SYTL3: variants seen among roughly 807,000 people sequenced by gnomAD.
SYTL3 encodes the protein synaptotagmin-like protein 3.
SYTL3 carries 88 observed loss-of-function variants against 82.1 expected under a neutral mutation model. That is an observed-to-expected ratio of 1.07 (90% CI 0.90 to 1.28). The LOEUF is 1.28. Ranked by LOEUF, SYTL3 falls within the 50% of genes most tolerant of loss-of-function variation. The probability of loss-of-function intolerance (pLI) is 0.00; values close to 1 mark genes in which losing one functional copy is unlikely to be tolerated. For synonymous variants in SYTL3, 311 were observed against 289.4 expected (o/e 1.07, Z -0.76); for missense variants, 831 against 757.6 (o/e 1.10, Z -1.14).
chr6:158,671,303 C>T lies in SYTL3; in HGVS notation c.329+5690C>T, dbSNP rs6901412. Among the ~76,000 whole-genome samples, 77 of 152,142 alleles carry T rather than the reference C, an allele frequency of 5.1e-4. 1 individual carries two copies. Among genetic ancestry groups the T allele is most frequent in the African/African-American group, 1.7e-3 (70 of 41,510 alleles). ...CTGCCTTTAAAACCTTTTTGAGAACCGGTGAGCTTTCTGCGCATTGTCTTT... is the reference window on the plus strand; with the variant it reads ...CTGCCTTTAAAACCTTTTTGAGAACTGGTGAGCTTTCTGCGCATTGTCTTT... On this transcript the variant is annotated intron_variant, in intron 5 of 17. Transcript: ENST00000611299.
chr6:158,659,749 T>C (rs536932630), intron 2 of SYTL3, among the ~76,000 whole-genome samples: 1 of 152,366 alleles, frequency 6.6e-6, no homozygotes, highest in South Asian at 2.1e-4. Context: ...CATTTCGTTT[T>C]GTTTTGCTTT....
chr6:158,708,882 C>T (rs1782431319), intron 8 of SYTL3, among the ~76,000 whole-genome samples: 1 of 152,184 alleles, frequency 6.6e-6, no homozygotes, highest in African/African-American at 2.4e-5. Context: ...AATAATTATA[C>T]AGGTGCTGCT....
intron 6 of SYTL3, among the ~76,000 whole-genome samples, chr6:158,685,886 A>G (rs958522159): frequency 6.6e-6 from 1 of 152,158 alleles, no homozygotes; most frequent in African/African-American, 2.4e-5. Context: ...CAGAAGGTAG[A>G]CTCTACCCTT....
chr6:158,745,884 C>T (rs1489688240), intron 12 of SYTL3, among the ~76,000 whole-genome samples: 4 of 152,092 alleles, frequency 2.6e-5, no homozygotes, highest in East Asian at 3.9e-4. Flanking sequence ...CAGACCTTAG[C>T]GTATATGAAA....
chr6:158,667,897 G>C (rs557042026), intron 5 of SYTL3, among the ~76,000 whole-genome samples: 3 of 152,338 alleles, frequency 2.0e-5, no homozygotes, highest in African/African-American at 7.2e-5. Context: ...AGAGAACTGA[G>C]TGCCAAGTTG....
intron 5 of SYTL3, among the ~76,000 whole-genome samples, chr6:158,682,039 C>A (rs1012534527): frequency 1.3e-5 from 2 of 152,020 alleles, no homozygotes; most frequent in Admixed American, 6.6e-5. Context: ...CAGGTTCAAG[C>A]GAAAATTCTC....
chr6:158,757,520 C>A, intron 14 of SYTL3, 139 bp downstream of exon 14: 3 of 915,040 alleles, frequency 3.3e-6, no homozygotes, highest in Non-Finnish European at 3.3e-6. Flanking sequence ...GGCGCTGTGA[C>A]TTTGAAATAG....
At chr6:158,667,237 A>C (rs1790184644) in intron 5 of SYTL3, among the ~76,000 whole-genome samples, 1 of 152,246 alleles carries the variant, frequency 6.6e-6, no homozygotes, top group Non-Finnish European at 1.5e-5. Context: ...GACAGTGTTG[A>C]AATCTCTGCC....
At position 158,762,195 on chromosome 6, in the gene SYTL3, AT is replaced by A. The variant is rs773054454; in HGVS notation, c.1517+18del. 1.3e-6 allele frequency: 2 copies of A among 1,576,728 alleles called. No homozygotes were observed. The highest frequency in any genetic ancestry group is 2.7e-5 in the African/African-American group (2 of 73,922). ...TGTTAAGGGGTAGGTATTCGATGTA[AT>A]CAAATATTTATTGGTGATCTAGTAT... On this transcript the variant is annotated intron_variant, in intron 16 of 17. Coordinates refer to ENST00000611299, the MANE Select transcript of SYTL3 (RefSeq NM_001242394.2).
intron 13 of SYTL3, among the ~76,000 whole-genome samples, chr6:158,754,905 A>C (rs1788877551): frequency 6.6e-6 from 1 of 152,236 alleles, no homozygotes; most frequent in Middle Eastern, 3.2e-3. Flanking sequence ...GTGGCGTTCT[A>C]GTAACCGCTT....
rs1785235420 is a variant in SYTL3 at position 158,730,276 on chromosome 6, G to A, written c.855+4639G>A. On this transcript the variant is annotated intron_variant, in intron 11 of 17. Coordinates refer to ENST00000611299, the MANE Select transcript of SYTL3 (RefSeq NM_001242394.2). ...CAATGGAGACAAAACACAGCAGCGG[G>A]GACAAGCTGCGTAAAGGATAAAAAT... 4.6e-5 allele frequency among the ~76,000 whole-genome samples: 7 copies of A among 152,218 alleles called. No individual in the cohort carries two copies. The South Asian group carries it at 1.4e-3, about 31-fold the overall frequency.
intron 6 of SYTL3, among the ~76,000 whole-genome samples, chr6:158,693,855 C>CTTTTTTTTTTTTTTTTTTTTTTTTTTTT (rs575358067): frequency 1.0e-5 from 1 of 96,864 alleles, no homozygotes; most frequent in African/African-American, 5.4e-5. Context: ...TTTTTCTTTT[C>CTTTTTTTTTTTTTTTTTTTTTTTTTTTT]TTTTTTTTTT....
chr6:158,737,069 T>C (rs1022685148), intron 11 of SYTL3, among the ~76,000 whole-genome samples: 4 of 150,292 alleles, frequency 2.7e-5, no homozygotes, highest in Non-Finnish European at 4.4e-5. Context: ...AAAAATCAAA[T>C]GATTTGCTTA....
At chr6:158,738,686 C>T (rs1440936997) in intron 11 of SYTL3, among the ~76,000 whole-genome samples, 8 of 152,212 alleles carry the variant, frequency 5.3e-5, no homozygotes, top group Non-Finnish European at 1.0e-4. Flanking sequence ...GAGATAGAGT[C>T]TCGCTCAGCT....
intron 11 of SYTL3, chr6:158,725,930 G>A (rs968410282): frequency 1.8e-5 from 12 of 680,600 alleles, no homozygotes; most frequent in Admixed American, 7.8e-5. Context: ...TCTGCAACTC[G>A]CGTAAACAGA....
chr6:158,678,171 C>T (rs1056828477), intron 5 of SYTL3, among the ~76,000 whole-genome samples: 3 of 152,190 alleles, frequency 2.0e-5, no homozygotes, highest in East Asian at 3.8e-4. Flanking sequence ...CCCACCAATG[C>T]GACTTCTTGA....
intron 11 of SYTL3, among the ~76,000 whole-genome samples, chr6:158,733,508 C>T (rs572997873): frequency 1.3e-5 from 2 of 151,850 alleles, no homozygotes; most frequent in South Asian, 2.1e-4. Context: ...TCTGTATTTT[C>T]AGTAGAGACA....
intron 9 of SYTL3, among the ~76,000 whole-genome samples, chr6:158,715,627 A>ACACACACACACGCAT (rs1562414100): frequency 2.4e-5 from 3 of 122,508 alleles, no homozygotes; most frequent in Non-Finnish European, 4.9e-5. Flanking sequence ...GCACGCACCC[A>ACACACACACACGCAT]GCACCCCCCA....
intron 11 of SYTL3, chr6:158,726,203 G>T: frequency 2.3e-6 from 1 of 433,014 alleles, no homozygotes. Flanking sequence ...TAGCAAAGCT[G>T]AATATCCCTA....
Sources: gnomAD v4.1 joint callset for allele counts (sites outside exome capture counted in the v4.1 genomes callset) on GRCh38, gnomAD v4.1.1 for gene constraint, MANE v1.5 for transcripts, NCBI Gene and HGNC (gene_info 2026-07-23, HGNC 2026-07-21) for gene names.